Variants in PDE1C observed in about 807,000 individuals in gnomAD.
PDE1C encodes phosphodiesterase 1C.
PDE1C carries 62 observed loss-of-function variants against 93.1 expected under a neutral mutation model. The observed-to-expected ratio is 0.67, with a 90% CI of 0.54 to 0.82. The LOEUF is 0.82. Among genes scored for constraint, PDE1C ranks in the 40% least tolerant of loss-of-function variants. The pLI, the probability that PDE1C is intolerant of heterozygous loss-of-function variation, is 0.00. For synonymous variants in PDE1C, 325 were observed against 310.1 expected (o/e 1.05, Z -0.50); for missense variants, 742 against 884.6 (o/e 0.84, Z 2.04).
chr7:31,772,826 A>G (rs576471912), intron 17 of PDE1C, among the ~76,000 whole-genome samples: 1 of 152,352 alleles, frequency 6.6e-6, no homozygotes, highest in South Asian at 2.1e-4. Flanking sequence ...AAAGGTTTTT[A>G]AAAGATTCTA....
intron 1 of PDE1C, among the ~76,000 whole-genome samples, chr7:32,291,683 G>A (rs548347230): frequency 6.6e-6 from 1 of 152,286 alleles, no homozygotes; most frequent in East Asian, 1.9e-4. Context: ...AGTCCTGCAC[G>A]CAGTTTGCCT....
At chr7:31,660,107 T>G in the PDE1C span, among the ~76,000 whole-genome samples, 11 of 152,326 alleles carry the variant, frequency 7.2e-5, no homozygotes, top group Non-Finnish European at 1.2e-4. Context: ...TTGCTTCACC[T>G]TCCACCATGA....
intron 6 of PDE1C, among the ~76,000 whole-genome samples, chr7:31,867,315 G>A (rs1193544359): frequency 6.6e-6 from 1 of 152,080 alleles, no homozygotes; most frequent in East Asian, 1.9e-4. Context: ...GTATACAGCT[G>A]CTGCCACTGA....
chr7:32,285,398 T>C (rs1303133743), intron 1 of PDE1C, among the ~76,000 whole-genome samples: 1 of 152,206 alleles, frequency 6.6e-6, no homozygotes, highest in Non-Finnish European at 1.5e-5. Context: ...AAGACATGTA[T>C]GTAAATATTT....
intron 2 of PDE1C, among the ~76,000 whole-genome samples, chr7:32,191,164 C>T (rs376543304): frequency 1.4e-3 from 213 of 152,304 alleles, no homozygotes; most frequent in African/African-American, 5.0e-3. Context: ...CTTTTAATCA[C>T]TCCTTCTTTT....
chr7:32,086,751 C>A (rs183644393), intron 3 of PDE1C, among the ~76,000 whole-genome samples: 2 of 152,070 alleles, frequency 1.3e-5, no homozygotes, highest in Non-Finnish European at 2.9e-5. Flanking sequence ...ACAAGCAATG[C>A]GGAAAGGATT....
chr7:32,298,987 TC>T (rs1163660678), exon 1 of PDE1C: 3 of 1,277,216 alleles, frequency 2.3e-6, no homozygotes, highest in Non-Finnish European at 3.0e-6. Context: ...CAAGCCGAGT[TC>T]CAGAGGCGGC....
chr7:32,077,971 A>C, intron 3 of PDE1C: 8 of 985,408 alleles, frequency 8.1e-6, no homozygotes, highest in Non-Finnish European at 9.6e-6. Flanking sequence ...AAGACAGTGC[A>C]GGCCTCCTGA....
intron 3 of PDE1C, among the ~76,000 whole-genome samples, chr7:32,143,531 T>C (rs928140404): frequency 6.6e-6 from 1 of 151,996 alleles, no homozygotes; most frequent in Non-Finnish European, 1.5e-5. Flanking sequence ...TGTGCTGTGA[T>C]AAATTCCTCC....
intron 1 of PDE1C, among the ~76,000 whole-genome samples, chr7:32,219,905 C>T (rs719586): frequency 0.75 from 114,765 of 152,084 alleles, 44,988 homozygotes; most frequent in Non-Finnish European, 0.85. Flanking sequence ...TGGGAGATAA[C>T]TGAATCATGG....
chr7:32,194,035 C>T (rs921928924), intron 2 of PDE1C, among the ~76,000 whole-genome samples: 3 of 151,798 alleles, frequency 2.0e-5, no homozygotes, highest in African/African-American at 7.3e-5. Context: ...CTGCCTCAGC[C>T]TCCTGAGTAG....
chr7:32,070,862 G>A, upstream of PDE1C: 4 of 986,252 alleles, frequency 4.1e-6, no homozygotes, highest in Non-Finnish European at 4.8e-6. Context: ...AGCGGGAGCC[G>A]GCGCGGGCGG....
the PDE1C span, among the ~76,000 whole-genome samples, chr7:31,725,169 C>G: frequency 6.6e-6 from 1 of 152,094 alleles, no homozygotes; most frequent in Non-Finnish European, 1.5e-5. Context: ...ACTTGTGTTG[C>G]ACAGCATCCA....
At chr7:31,963,747 T>C (rs1809420541) in intron 2 of PDE1C, among the ~76,000 whole-genome samples, 1 of 152,178 alleles carries the variant, frequency 6.6e-6, no homozygotes, top group African/African-American at 2.4e-5. Flanking sequence ...CAGAGTGCAG[T>C]AAACATCAAT....
intron 1 of PDE1C, among the ~76,000 whole-genome samples, chr7:32,379,246 C>A (rs1397492630): frequency 6.6e-6 from 1 of 152,222 alleles, no homozygotes; most frequent in African/African-American, 2.4e-5. Flanking sequence ...GCAGCACCAA[C>A]ATCCCCAAAC....
chr7:32,051,967 A>G (rs555232531), intron 1 of PDE1C, among the ~76,000 whole-genome samples: 2 of 152,230 alleles, frequency 1.3e-5, no homozygotes, highest in Non-Finnish European at 2.9e-5. Flanking sequence ...ACAAGCTTAC[A>G]AAACACTTCT....
At position 32,204,748 on chromosome 7, in the gene PDE1C, C is replaced by T. The variant is rs114873309; in HGVS notation, c.136+4741G>A. Among the ~76,000 whole-genome samples, 487 of 152,342 alleles carry T rather than the reference C, an allele frequency of 3.2e-3. 4 individuals are homozygous for T. Among genetic ancestry groups the T allele is most frequent in the African/African-American group, 0.011 (476 of 41,578 alleles). On this transcript the variant is annotated intron_variant, in intron 2 of 18. Transcript: ENST00000396193. ...CCCCATTCAGACCCTCAAGCCTCAG[C>T]TAATGCTCACTTTCTCCAGGAGGAC... is the stretch of plus-strand genomic sequence containing the variant.
At position 31,825,004 on chromosome 7, in the gene PDE1C, A is replaced by G. The variant is rs1340797479; in HGVS notation, c.1286-17T>C. The G allele has an allele frequency of 6.2e-7, 1 of 1,612,932 alleles. No individual in the cohort carries two copies. Among genetic ancestry groups the G allele is most frequent in the Non-Finnish European group, 8.5e-7 (1 of 1,179,172 alleles). On this transcript the variant is annotated splice_polypyrimidine_tract_variant and intron_variant, in intron 12 of 17. Coordinates refer to ENST00000396191, the MANE Select transcript of PDE1C (RefSeq NM_001191057.4). ...CAATGAAACCTGAAGAGAAACAGCA[A>G]TGCTTCAGAGGAACCACATATTACC...
intron 11 of PDE1C, among the ~76,000 whole-genome samples, chr7:31,834,654 T>C (rs1347053346): frequency 6.6e-6 from 1 of 152,000 alleles, no homozygotes; most frequent in Non-Finnish European, 1.5e-5. Context: ...ATTTACCCAA[T>C]GCCTGTACCC....
Sources: allele counts gnomAD v4.1 joint callset (sites outside exome capture counted in the v4.1 genomes callset), GRCh38; gene constraint gnomAD v4.1.1; transcripts MANE v1.5; gene names NCBI Gene and HGNC (gene_info 2026-07-23, HGNC 2026-07-21).